Variants in PLCB4 observed in about 807,000 individuals in gnomAD.
The protein encoded by PLCB4 is phospholipase C beta 4, also known as 1-phosphatidylinositol 4,5-bisphosphate phosphodiesterase beta-4.
In PLCB4, 77 loss-of-function variants were observed where a neutral mutation model predicts 178.8. The ratio of observed to expected loss-of-function variants is 0.43; its 90% confidence interval spans 0.36 to 0.52. The LOEUF (loss-of-function observed/expected upper bound fraction) is 0.52, where lower values mean the gene tolerates loss of function less well. Among genes scored for constraint, PLCB4 ranks in the 20% least tolerant of loss-of-function variants. The probability of loss-of-function intolerance (pLI) is 0.00; values close to 1 mark genes in which losing one functional copy is unlikely to be tolerated. For missense variants in PLCB4, 1,024 were observed against 1,453.4 expected (o/e 0.70, Z 4.80); for synonymous variants, 496 against 490.8 (o/e 1.01, Z -0.14).
intron 7 of PLCB4, among the ~76,000 whole-genome samples, chr20:9,362,458 A>G (rs1173789770): frequency 2.0e-5 from 3 of 152,242 alleles, no homozygotes; most frequent in Non-Finnish European, 4.4e-5. Flanking sequence ...ACAAACTCTT[A>G]GATTGAAAGG....
chr20:9,168,682 T>C (rs1445068174), intron 2 of PLCB4, among the ~76,000 whole-genome samples: 1 of 152,194 alleles, frequency 6.6e-6, no homozygotes, highest in Non-Finnish European at 1.5e-5. Flanking sequence ...GTCATTGTTT[T>C]TCACTTAATG....
At chr20:9,445,526 C>A (rs1363928860) in intron 32 of PLCB4, among the ~76,000 whole-genome samples, 3 of 152,168 alleles carry the variant, frequency 2.0e-5, no homozygotes, top group Non-Finnish European at 4.4e-5. Context: ...TTTGAGAAGT[C>A]ATTTCTTTAA....
chr20:9,213,511 G>C (rs1473332917), intron 2 of PLCB4, among the ~76,000 whole-genome samples: 1 of 152,026 alleles, frequency 6.6e-6, no homozygotes, highest in Non-Finnish European at 1.5e-5. Context: ...TTGAATTGCT[G>C]GATAATATTC....
chr20:9,183,495 G>T (rs1336893711), intron 2 of PLCB4, among the ~76,000 whole-genome samples: 2 of 152,164 alleles, frequency 1.3e-5, no homozygotes, highest in Non-Finnish European at 2.9e-5. Flanking sequence ...AAGAAAAGCT[G>T]CTAGATTTTT....
chr20:9,387,755 A>T (rs1044909946), intron 15 of PLCB4, among the ~76,000 whole-genome samples, 199 bp downstream of exon 15: 1 of 152,220 alleles, frequency 6.6e-6, no homozygotes, highest in African/African-American at 2.4e-5. Flanking sequence ...CTTGCTTTCA[A>T]ATGGTGACTG....
intron 25 of PLCB4, 78 bp downstream of exon 25, chr20:9,411,166 C>A (rs2039831071): frequency 3.3e-6 from 3 of 916,592 alleles, no homozygotes; most frequent in Non-Finnish European, 5.3e-6. Context: ...ATGTCATTTT[C>A]AATTAGGGGC....
At chr20:9,359,908 T>TA (rs2148217727) in intron 7 of PLCB4, among the ~76,000 whole-genome samples, 1 of 152,312 alleles carries the variant, frequency 6.6e-6, no homozygotes, top group Admixed American at 6.5e-5. Flanking sequence ...GCATTTCATC[T>TA]ACTTTATGTT....
At chr20:9,370,035 G>A (rs1378007983) in intron 9 of PLCB4, among the ~76,000 whole-genome samples, 1 of 152,186 alleles carries the variant, frequency 6.6e-6, no homozygotes, top group Non-Finnish European at 1.5e-5. Flanking sequence ...GGTGGCTAAG[G>A]TATGGCTCAG....
intron 7 of PLCB4, among the ~76,000 whole-genome samples, chr20:9,345,545 T>A (rs2033713288): frequency 6.6e-6 from 1 of 152,214 alleles, no homozygotes; most frequent in Admixed American, 6.5e-5. Context: ...AATGCAGGCC[T>A]CATTCAACAT....
At chr20:9,320,424 G>A (rs771092996) in intron 4 of PLCB4, among the ~76,000 whole-genome samples, 16 of 152,142 alleles carry the variant, frequency 1.1e-4, no homozygotes, top group South Asian at 6.2e-4. Context: ...GCTTTTGGCC[G>A]GCTTCCTTAG....
In PLCB4 at chr20:9,112,021, A is replaced by G. The variant is rs368242272; in HGVS notation, c.-79+15679A>G. Among the ~76,000 whole-genome samples the G allele has an allele frequency of 7.5e-4, 115 of 152,322 alleles. No homozygotes were observed. In the South Asian group the frequency reaches 0.023, roughly 30 times the overall value. On this transcript the variant is annotated intron_variant, in intron 2 of 39. Coordinates refer to ENST00000378473, the MANE Select transcript of PLCB4 (RefSeq NM_001377142.1). ...TTAAAAGCAAAGACAAATATGCCTT[A>G]CATTTAGACCAAATTAAAAAAATGG...
At chr20:9,416,849 G>A (rs2040283932) in intron 25 of PLCB4, among the ~76,000 whole-genome samples, 1 of 152,020 alleles carries the variant, frequency 6.6e-6, no homozygotes, top group African/African-American at 2.4e-5. Flanking sequence ...TTCCTTTTTG[G>A]ACTATCAAAT....
chr20:9,300,503 A>G (rs1455141099), intron 3 of PLCB4, among the ~76,000 whole-genome samples: 1 of 152,172 alleles, frequency 6.6e-6, no homozygotes. Flanking sequence ...AATGAAGAAC[A>G]CCTTGTTTGG....
chr20:9,316,389 T>C (rs1327471993), intron 4 of PLCB4, among the ~76,000 whole-genome samples: 1 of 152,130 alleles, frequency 6.6e-6, no homozygotes, highest in Non-Finnish European at 1.5e-5. Context: ...TGGGAAGCCA[T>C]TTTCAACAGG....
intron 4 of PLCB4, among the ~76,000 whole-genome samples, chr20:9,310,137 C>CAGTTCTTTAG (rs2094814030): frequency 6.6e-6 from 1 of 152,266 alleles, no homozygotes; most frequent in Middle Eastern, 3.4e-3. Context: ...CTATAAGACT[C>CAGTTCTTTAG]AGTTCTTTAG....
chr20:9,423,247 A>T (rs577980304), intron 27 of PLCB4, among the ~76,000 whole-genome samples: 2 of 152,356 alleles, frequency 1.3e-5, no homozygotes, highest in South Asian at 2.1e-4. Flanking sequence ...TCTCTTATGC[A>T]TGAAGCATTT....
intron 29 of PLCB4, 40 bp downstream of exon 29, chr20:9,435,688 G>C: frequency 1.8e-6 from 2 of 1,120,944 alleles, no homozygotes; most frequent in Middle Eastern, 2.0e-4. Flanking sequence ...CAAGTTGTGG[G>C]AGTTTGATTA....
rs1164557365 is a variant in PLCB4, at chr20:9,148,156, G to A, written c.-79+51814G>A. On this transcript the variant is annotated intron_variant, in intron 2 of 39. Coordinates refer to ENST00000378473, the MANE Select transcript of PLCB4 (RefSeq NM_001377142.1). The stretch of plus-strand genomic sequence containing the variant: ...TTCTAGTTGCATCGTGTTGGCAGTC[G>A]TGAAGGAGACAGTCCCAGAGAGGTT... 2.6e-5 allele frequency among the ~76,000 whole-genome samples: 4 copies of A among 152,078 alleles called. No individual in the cohort carries two copies. The East Asian group carries it at 7.7e-4, about 29-fold the overall frequency.
chr20:9,323,129 C>T (rs925010036), intron 4 of PLCB4, among the ~76,000 whole-genome samples: 3 of 152,140 alleles, frequency 2.0e-5, no homozygotes, highest in African/African-American at 4.8e-5. Flanking sequence ...CCTACCATTT[C>T]GCTGTCCCAT....
Sources: gnomAD v4.1 joint callset for allele counts (sites outside exome capture counted in the v4.1 genomes callset) on GRCh38, gnomAD v4.1.1 for gene constraint, MANE v1.5 for transcripts, NCBI Gene and HGNC (gene_info 2026-07-23, HGNC 2026-07-21) for gene names.